Variants in CCPG1 observed in about 807,000 individuals in gnomAD.
CCPG1 encodes the protein cell cycle progression 1.
Under a neutral mutation model 81.3 loss-of-function variants are expected in CCPG1, and 46 were observed. That is an observed-to-expected ratio of 0.57 (90% CI 0.45 to 0.72). The LOEUF is 0.72. Among genes scored for constraint, CCPG1 ranks in the 30% least tolerant of loss-of-function variants. The pLI is 0.00. For missense variants in CCPG1, 902 were observed against 937.6 expected, an observed-to-expected ratio of 0.96 and a Z score of 0.50; for synonymous variants, 330 against 305.2, an observed-to-expected ratio of 1.08 and a Z score of -0.85.
chr15:55,369,945 G>A (rs1453766513), intron 6 of CCPG1, among the ~76,000 whole-genome samples: 3 of 152,138 alleles, frequency 2.0e-5, no homozygotes, highest in Non-Finnish European at 4.4e-5. Flanking sequence ...ATGTTTACTT[G>A]TGGAGGGAAA....
At chr15:55,396,154 CAAAA>C (rs57419686) in intron 1 of CCPG1, among the ~76,000 whole-genome samples, 28 of 123,034 alleles carry the variant, frequency 2.3e-4, no homozygotes, top group Admixed American at 4.1e-4. Context: ...ACTCCACCTC[CAAAA>C]AAAAAAAAAA....
At chr15:55,385,062 G>A (rs1488197283) in intron 3 of CCPG1, among the ~76,000 whole-genome samples, 1 of 152,182 alleles carries the variant, frequency 6.6e-6, no homozygotes, top group African/African-American at 2.4e-5. Context: ...TAGCAACAAA[G>A]TGTATCTGAA....
At chr15:55,357,080 GATAA>G in intron 8 of CCPG1, 1 of 985,290 alleles carries the variant, frequency 1.0e-6, no homozygotes, top group South Asian at 4.7e-5. Context: ...CCAGGAGTCT[GATAA>G]ATATACAGTC....
At chr15:55,389,861 G>A (rs2056879683) in intron 1 of CCPG1, among the ~76,000 whole-genome samples, 1 of 152,214 alleles carries the variant, frequency 6.6e-6, no homozygotes, top group Admixed American at 6.5e-5. Flanking sequence ...AAGCTCCTAT[G>A]CCAAGAAAAT....
At chr15:55,380,170 T>C (rs2056652794) in intron 3 of CCPG1, among the ~76,000 whole-genome samples, 1 of 151,486 alleles carries the variant, frequency 6.6e-6, no homozygotes, top group South Asian at 2.1e-4. Flanking sequence ...TATAAATTTA[T>C]GAGCAAAGTA....
Position 55,355,511 on chromosome 15 carries a change from T to C in CCPG1, c.*709A>G, listed in dbSNP as rs2056060699. ...ATACTTCGGTAAACACTGGGTAAGA[T>C]TCATGGAACTTAGAAAAAAGCTGTA... On this transcript the variant is annotated 3_prime_UTR_variant, in exon 9 of 9. Coordinates refer to ENST00000442196, the MANE Select transcript of CCPG1 (RefSeq NM_001204450.2). 1 of 1,167,484 alleles carries C rather than the reference T, an allele frequency of 8.6e-7. No homozygotes were observed. 72.3% of individuals were successfully genotyped at this position (1,167,484 alleles called of 1,614,324 possible). A position where few individuals can be genotyped will look rare whatever the true frequency, so the allele number is the denominator to read the frequency against.
intron 1 of CCPG1, among the ~76,000 whole-genome samples, chr15:55,394,694 GAATA>G (rs1453441072): frequency 1.3e-5 from 2 of 151,880 alleles, no homozygotes; most frequent in Admixed American, 6.6e-5. Flanking sequence ...TGGTTTCTCT[GAATA>G]AATACAGAAA....
chr15:55,404,178 C>A lies in CCPG1; in HGVS notation c.-10+4043G>T, dbSNP rs190585245. ...AATTGACATTTGGAGTAGGCAAGCT[C>A]CAAAGAAGACAACCTAAGAAAATAA... is the stretch of plus-strand genomic sequence containing the variant. On this transcript the variant is annotated intron_variant, in intron 1 of 8. Transcript: ENST00000442196. Among the ~76,000 whole-genome samples the A allele has an allele frequency of 5.7e-4, 86 of 152,096 alleles. No homozygotes were observed. In the East Asian group the frequency reaches 0.013, roughly 24 times the overall value.
intron 3 of CCPG1, among the ~76,000 whole-genome samples, chr15:55,382,312 T>C (rs2056714661): frequency 6.6e-6 from 1 of 152,216 alleles, no homozygotes; most frequent in Admixed American, 6.5e-5. Context: ...TCTCAAACCC[T>C]GCCACTGCTT....
At position 55,378,312 on chromosome 15, in the gene CCPG1, G is replaced by A; in HGVS notation, c.240C>T (p.Ser80=). ...ETAYPALEET[S]STIEAEEQKI... is the part of the protein sequence containing the mutation. ...AATACAAGTTTACCTCAATTGTTGA[G>A]CTGGTTTCCTCCAAAGCTGGATAAG... is the stretch of plus-strand genomic sequence containing the variant. Residue 80 remains serine, a synonymous_variant, in exon 4 of 9, where the codon AGC becomes AGT. Coordinates refer to ENST00000442196, the MANE Select transcript of CCPG1 (RefSeq NM_001204450.2). The A allele has an allele frequency of 6.2e-7, 1 of 1,607,372 alleles. No individual in the cohort carries two copies. Among genetic ancestry groups the A allele is most frequent in the Non-Finnish European group, 8.5e-7 (1 of 1,174,866 alleles).
chr15:55,384,730 G>A (rs1321112972), intron 3 of CCPG1, among the ~76,000 whole-genome samples: 1 of 151,784 alleles, frequency 6.6e-6, no homozygotes, highest in Non-Finnish European at 1.5e-5. Context: ...ACATGAAGTG[G>A]GCATATGCTA....
Position 55,385,581 on chromosome 15 carries a change from G to A in CCPG1, c.175+19C>T. On this transcript the variant is annotated intron_variant, in intron 3 of 8. Transcript: ENST00000442196. ...ATATATCATATTAAAAAAAAAATTA[G>A]AATTTGTGAACAACTTACCTCCTTG... 2 of 1,335,224 alleles carry A rather than the reference G, an allele frequency of 1.5e-6. No individual in the cohort carries two copies. Among genetic ancestry groups the A allele is most frequent in the South Asian group, 1.3e-5 (1 of 76,406 alleles). The allele number at this position is 1,335,224 out of a possible 1,614,324, so 82.7% of individuals were successfully genotyped here.
intron 1 of CCPG1, among the ~76,000 whole-genome samples, chr15:55,396,131 G>T (rs2057012516): frequency 6.9e-6 from 1 of 145,984 alleles, no homozygotes; most frequent in South Asian, 2.2e-4. Flanking sequence ...TCCAGCCTGG[G>T]CAACAGAGCA....
chr15:55,394,277 T>C (rs373134668), intron 1 of CCPG1, among the ~76,000 whole-genome samples: 1 of 152,290 alleles, frequency 6.6e-6, no homozygotes. Flanking sequence ...TGAGCCACTG[T>C]ACACAGCCTA....
At chr15:55,372,613 C>G (rs2056475683) in intron 5 of CCPG1, 1 of 207,018 alleles carries the variant, frequency 4.8e-6, no homozygotes, top group Admixed American at 5.5e-5. Flanking sequence ...GAGCTGAGAT[C>G]CTGCCACTAT....
intron 5 of CCPG1, chr15:55,374,289 A>G (rs1287073553): frequency 4.6e-6 from 5 of 1,076,328 alleles, no homozygotes; most frequent in Admixed American, 5.0e-5. Context: ...GCATAAAGCT[A>G]TATTATAAAG....
At chr15:55,382,814 C>T (rs1435450755) in intron 3 of CCPG1, among the ~76,000 whole-genome samples, 2 of 152,082 alleles carry the variant, frequency 1.3e-5, no homozygotes, top group Non-Finnish European at 2.9e-5. Context: ...CGACCAGGAT[C>T]CACTTCTAAT....
chr15:55,367,851 T>A (rs760435069), intron 6 of CCPG1, among the ~76,000 whole-genome samples: 4 of 152,212 alleles, frequency 2.6e-5, no homozygotes, highest in Admixed American at 6.5e-5. Flanking sequence ...CCCACTGTTA[T>A]TCCAATTGTC....
rs767445597 is a variant in CCPG1, at chr15:55,372,001, T to C, written c.498A>G (p.Glu166=). The change falls in exon 6 of 9, where the codon GAA becomes GAG. Residue 166 remains glutamate (E), a synonymous_variant. Coordinates refer to ENST00000442196, the MANE Select transcript of CCPG1 (RefSeq NM_001204450.2). The part of the protein sequence containing the change: ...QPSDDESSSD[E]TSNQPSPAFR... ...AGGCAGGACTGGGCTGATTACTGGTTTCATCACTACTTGATTCATCGTCAC... is the reference window on the plus strand; with the variant it reads ...AGGCAGGACTGGGCTGATTACTGGTCTCATCACTACTTGATTCATCGTCAC... 2 of 1,614,032 alleles carry C rather than the reference T, an allele frequency of 1.2e-6. No individual in the cohort carries two copies. The highest frequency in any genetic ancestry group is 1.1e-5 in the South Asian group (1 of 91,066).
Sources: gnomAD v4.1 joint callset for allele counts (sites outside exome capture counted in the v4.1 genomes callset) on GRCh38, gnomAD v4.1.1 for gene constraint, MANE v1.5 for transcripts, NCBI Gene and HGNC (gene_info 2026-07-23, HGNC 2026-07-21) for gene names.